Variants in THEM4 observed in about 807,000 individuals in gnomAD.
THEM4 encodes thioesterase superfamily member 4, also known as acyl-coenzyme A thioesterase THEM4.
In THEM4, 22 loss-of-function variants were observed where a neutral mutation model predicts 25.0. That is an observed-to-expected ratio of 0.88 (90% CI 0.63 to 1.26). THEM4 has a LOEUF of 1.26. Ranked by LOEUF, THEM4 falls within the 50% of genes most tolerant of loss-of-function variation. THEM4 has a pLI of 0.00. For missense variants in THEM4, 286 were observed against 300.3 expected (o/e 0.95, Z 0.35); for synonymous variants, 113 against 105.6 (o/e 1.07, Z -0.43).
intron 5 of THEM4, 79 bp downstream of exon 5, chr1:151,876,922 T>TCAACCAAC: frequency 1.3e-6 from 2 of 1,504,750 alleles, no homozygotes; most frequent in Non-Finnish European, 1.8e-6. Flanking sequence ...AAAACCCAAA[T>TCAACCAAC]CAACCAACCA....
At chr1:151,877,611 T>TC (rs1324234699) in intron 4 of THEM4, among the ~76,000 whole-genome samples, 1 of 152,184 alleles carries the variant, frequency 6.6e-6, no homozygotes, top group African/African-American at 2.4e-5. Flanking sequence ...AGCTTACTGC[T>TC]CTAAGTCAGT....
At chr1:151,883,094 T>TTTTA (rs10639543) in intron 4 of THEM4, among the ~76,000 whole-genome samples, 9,747 of 138,208 alleles carry the variant, frequency 0.071, 687 homozygotes, top group African/African-American at 0.18. Context: ...TGTCAAATGC[T>TTTTA]TTTATTTATT....
At chr1:151,878,187 A>C (rs1235118240) in intron 4 of THEM4, among the ~76,000 whole-genome samples, 1 of 151,904 alleles carries the variant, frequency 6.6e-6, no homozygotes, top group Non-Finnish European at 1.5e-5. Flanking sequence ...TTCTCTTCAT[A>C]TCTCTCTCTT....
At position 151,871,362 on chromosome 1, in the gene THEM4, G is replaced by GA. The variant is rs1653551647; in HGVS notation, c.*3525dup. On this transcript the variant is annotated 3_prime_UTR_variant, in exon 6 of 6. Transcript: ENST00000368814. ...AAAAAAAGAAAAAGAAAAAAGAAAG[G>GA]AAAAAGAAGGAAACAGGAAATGAGG... 6.6e-6 allele frequency among the ~76,000 whole-genome samples: 1 copy of GA among 151,282 alleles called. No homozygotes were observed. The highest frequency in any genetic ancestry group is 2.4e-5 in the African/African-American group (1 of 41,186).
At chr1:151,875,057 C>A in intron 5 of THEM4, 129 bp from the exon 6 acceptor site, 2 of 780,290 alleles carry the variant, frequency 2.6e-6, no homozygotes, top group Non-Finnish European at 2.2e-6. Flanking sequence ...TATCTGTCCA[C>A]TCTCATTTTT....
intron 1 of THEM4, among the ~76,000 whole-genome samples, chr1:151,900,989 T>C (rs1271527861): frequency 6.6e-6 from 1 of 152,282 alleles, no homozygotes; most frequent in African/African-American, 2.4e-5. Context: ...CTTAAGGACA[T>C]GTTCCTGCTG....
rs1653581198 is a variant in THEM4 at position 151,872,753 on chromosome 1, T to C, written c.*2135A>G. ...CAGGCAGTATGCTTGGTAAAAGTCATCGCCATTCTCCATTCTCAATTAACC... is the reference window on the plus strand; with the variant it reads ...CAGGCAGTATGCTTGGTAAAAGTCACCGCCATTCTCCATTCTCAATTAACC... On this transcript the variant is annotated 3_prime_UTR_variant, in exon 6 of 6. Coordinates refer to ENST00000368814, the MANE Select transcript of THEM4 (RefSeq NM_053055.5). 6.6e-6 allele frequency among the ~76,000 whole-genome samples: 1 copy of C among 152,120 alleles called. No individual in the cohort carries two copies. Among genetic ancestry groups the C allele is most frequent in the South Asian group, 2.1e-4 (1 of 4,822 alleles).
intron 2 of THEM4, among the ~76,000 whole-genome samples, chr1:151,891,845 T>C (rs1654101311): frequency 6.6e-6 from 1 of 152,128 alleles, no homozygotes; most frequent in South Asian, 2.1e-4. Context: ...GCGGACCAGC[T>C]GCTGAAATAC....
At position 151,895,055 on chromosome 1, in the gene THEM4, T is replaced by C. The variant is rs1406936020; in HGVS notation, c.239A>G (p.Lys80Arg). ...TTGAATCCATTCAGTAGGTGTACGT[T>C]TATATGAAGGCAAACGTTTCCAGGA... ...DGSWKRLPSY[K>R]RTPTEWIQDF... The change falls in exon 2 of 6, where the codon AAA becomes AGA. Residue 80 changes from lysine (K) to arginine (R), a missense_variant. Lys to Arg is a conservative substitution (Grantham distance 26). Transcript: ENST00000368814. The C allele has an allele frequency of 1.9e-6, 3 of 1,614,130 alleles. No homozygotes were observed. The highest frequency in any genetic ancestry group is 3.3e-5 in the Admixed American group (2 of 60,014).
intron 1 of THEM4, among the ~76,000 whole-genome samples, chr1:151,906,750 C>G (rs1654477351): frequency 6.6e-6 from 1 of 152,196 alleles, no homozygotes; most frequent in Non-Finnish European, 1.5e-5. Flanking sequence ...AATCGACACT[C>G]TGTATCTAGC....
chr1:151,901,572 G>A (rs1036314161), intron 1 of THEM4, among the ~76,000 whole-genome samples: 27 of 152,256 alleles, frequency 1.8e-4, no homozygotes, highest in Middle Eastern at 3.2e-3. Context: ...GCCAGGCGCT[G>A]TGGCTCATGC....
chr1:151,884,030 G>A (rs1653904315), intron 4 of THEM4, among the ~76,000 whole-genome samples: 2 of 151,084 alleles, frequency 1.3e-5, no homozygotes, highest in South Asian at 4.3e-4. Flanking sequence ...AGCTGAGATT[G>A]CGCCACTGCA....
chr1:151,882,039 T>C (rs192246116), intron 4 of THEM4, among the ~76,000 whole-genome samples: 1,586 of 151,870 alleles, frequency 0.01, 29 homozygotes, highest in African/African-American at 0.036. Context: ...AATTTTTTTT[T>C]TCTCTCTCTC....
intron 3 of THEM4, 42 bp from the exon 4 acceptor site, chr1:151,888,425 C>G: frequency 6.7e-7 from 1 of 1,487,286 alleles, no homozygotes; most frequent in Non-Finnish European, 9.3e-7. Flanking sequence ...TTCAGAAGTT[C>G]TGAAGATAGA....
intron 1 of THEM4, 112 bp from the exon 2 acceptor site, chr1:151,895,306 G>T: frequency 1.1e-6 from 1 of 947,842 alleles, no homozygotes; most frequent in Non-Finnish European, 1.6e-6. Context: ...CCATAAGCTT[G>T]TCACTTCAAA....
intron 1 of THEM4, among the ~76,000 whole-genome samples, chr1:151,895,988 C>CTTTTTT: frequency 8.4e-6 from 1 of 119,218 alleles, no homozygotes; most frequent in Non-Finnish European, 1.8e-5. Context: ...TTCTTGCTTC[C>CTTTTTT]TTTTTTTTTT....
rs146748985 is a variant in THEM4, at chr1:151,884,079, T to TAATAAATA, written c.557+4186_557+4193dup. The stretch of plus-strand genomic sequence containing the variant: ...GGCAGAGTGAGACTCTGTCTCAAAA[T>TAATAAATA]AATAAATAAATAAATAAATAAATAA... On this transcript the variant is annotated intron_variant, in intron 4 of 5. Coordinates refer to ENST00000368814, the MANE Select transcript of THEM4 (RefSeq NM_053055.5). 7.5e-3 allele frequency among the ~76,000 whole-genome samples: 1,083 copies of TAATAAATA among 144,278 alleles called. 11 individuals carry two copies. Among genetic ancestry groups the TAATAAATA allele is most frequent in the East Asian group, 0.048 (233 of 4,830 alleles). The allele number at this position is 144,278 out of a possible 152,430, so 94.7% of individuals were successfully genotyped here. A position where few individuals can be genotyped will look rare whatever the true frequency, so the allele number is the denominator to read the frequency against.
intron 4 of THEM4, among the ~76,000 whole-genome samples, chr1:151,888,009 T>C (rs571107905): frequency 2.0e-5 from 3 of 152,274 alleles, no homozygotes; most frequent in Middle Eastern, 3.4e-3. Flanking sequence ...TCATCTGAGA[T>C]GGAGACAATT....
At chr1:151,884,034 C>G (rs987614983) in intron 4 of THEM4, among the ~76,000 whole-genome samples, 1 of 151,414 alleles carries the variant, frequency 6.6e-6, no homozygotes, top group Admixed American at 6.6e-5. Context: ...GAGATTGCGC[C>G]ACTGCACTCC....
Sources: gnomAD v4.1 joint callset for allele counts (sites outside exome capture counted in the v4.1 genomes callset) on GRCh38, gnomAD v4.1.1 for gene constraint, MANE v1.5 for transcripts, NCBI Gene and HGNC (gene_info 2026-07-23, HGNC 2026-07-21) for gene names.